Variants in COL5A2 observed in about 807,000 individuals in gnomAD.
COL5A2 encodes the protein collagen type V alpha 2 chain.
COL5A2 carries 23 observed loss-of-function variants against 208.2 expected under a neutral mutation model. The ratio of observed to expected loss-of-function variants is 0.11; its 90% CI spans 0.08 to 0.16. The LOEUF is 0.16. COL5A2 is among the 10% of genes least tolerant of loss of function. The pLI is 1.00. For missense variants in COL5A2, 1,590 were observed against 1,956.4 expected, an observed-to-expected ratio of 0.81 and a Z score of 3.53; for synonymous variants, 625 against 628.5, an observed-to-expected ratio of 0.99 and a Z score of 0.08.
the COL5A2 span, among the ~76,000 whole-genome samples, chr2:189,378,201 T>G: frequency 6.6e-6 from 1 of 152,208 alleles, no homozygotes; most frequent in Non-Finnish European, 1.5e-5. Context: ...ATCTATTATA[T>G]CTTAACTGTT....
chr2:189,252,125 A>G, the COL5A2 span, among the ~76,000 whole-genome samples: 1 of 152,192 alleles, frequency 6.6e-6, no homozygotes, highest in African/African-American at 2.4e-5. Context: ...GGTGCTGGAG[A>G]GGATGTGGAG....
At chr2:189,086,630 A>G in intron 9 of COL5A2, 96 bp downstream of exon 9, 1 of 967,494 alleles carries the variant, frequency 1.0e-6, no homozygotes, top group Non-Finnish European at 1.6e-6. Context: ...AAATTTTAAA[A>G]CCAGCCAAAA....
the COL5A2 span, among the ~76,000 whole-genome samples, chr2:189,242,610 C>A: frequency 6.6e-6 from 1 of 152,188 alleles, no homozygotes; most frequent in South Asian, 2.1e-4. Context: ...TTGCTTCCTT[C>A]CATTCAAAGA....
chr2:189,081,425 G>A (rs138314873), intron 12 of COL5A2, among the ~76,000 whole-genome samples: 1 of 152,164 alleles, frequency 6.6e-6, no homozygotes, highest in East Asian at 1.9e-4. Context: ...AAAATATTCA[G>A]GAGAGAAATT....
In COL5A2 at chr2:189,179,612, TATTAGAC is replaced by T; in HGVS notation, c.-15_-9del. On this transcript the variant is annotated 5_prime_UTR_variant, in exon 1 of 54. It removes an upstream start codon present in the reference 5' UTR. Transcript: ENST00000374866. The stretch of plus-strand genomic sequence containing the variant: ...CGCCCAGTTTGCCATCATGTCTAAA[TATTAGAC>T]ATGTGGGTTCTCCTGAGAGTGAAAA... The T allele has an allele frequency of 6.3e-7, 1 of 1,598,670 alleles. No individual in the cohort carries two copies.
Position 189,092,329 on chromosome 2 carries a change from C to G in COL5A2, c.548G>C (p.Gly183Ala), listed in dbSNP as rs1686805632. The G allele has an allele frequency of 1.9e-6, 3 of 1,608,320 alleles. No individual in the cohort carries two copies. The highest frequency in any genetic ancestry group is 2.5e-6 in the Non-Finnish European group (3 of 1,177,182). ...PGPPGHPSHP[G>A]PDGLSRPFSA... ...ACTCACCCTGCTCAAGCCATCGGGTCCTGGGTGGGACGGATGTCCAGGAGG... is the reference window on the plus strand; with the variant it reads ...ACTCACCCTGCTCAAGCCATCGGGTGCTGGGTGGGACGGATGTCCAGGAGG... The change falls in exon 7 of 54, where the codon GGA (glycine) becomes GCA (alanine). Residue 183 changes from glycine to alanine, a missense_variant. Coordinates refer to ENST00000374866, the MANE Select transcript of COL5A2 (RefSeq NM_000393.5).
chr2:189,052,870 G>A (rs1324885680), intron 39 of COL5A2, 41 bp downstream of exon 39: 1 of 1,609,958 alleles, frequency 6.2e-7, no homozygotes, highest in Non-Finnish European at 8.5e-7. Flanking sequence ...TCCAAACATG[G>A]GGCACTTGAC....
the COL5A2 span, among the ~76,000 whole-genome samples, chr2:189,246,277 A>C: frequency 6.6e-6 from 1 of 152,072 alleles, no homozygotes; most frequent in African/African-American, 2.4e-5. Context: ...GTTTCACAGA[A>C]CAATTTATTA....
intron 1 of COL5A2, among the ~76,000 whole-genome samples, chr2:189,115,463 G>A (rs771427796): frequency 2.1e-4 from 32 of 151,066 alleles, no homozygotes; most frequent in Non-Finnish European, 4.1e-4. Flanking sequence ...CTGGCCAAGA[G>A]AGACGACTGT....
chr2:189,413,591 A>G, the COL5A2 span, among the ~76,000 whole-genome samples: 1 of 152,094 alleles, frequency 6.6e-6, no homozygotes, highest in Admixed American at 6.6e-5. Context: ...CGCTCATTAG[A>G]ACCTTTCACA....
intron 16 of COL5A2, among the ~76,000 whole-genome samples, chr2:189,076,499 T>C (rs1312343894): frequency 1.3e-5 from 2 of 152,176 alleles, no homozygotes; most frequent in African/African-American, 4.8e-5. Flanking sequence ...CTGATGGAAT[T>C]GCATGGGTCT....
At chr2:189,034,275 A>T (rs1685398417) in intron 53 of COL5A2, 59 bp from the exon 54 acceptor site, 1 of 1,573,338 alleles carries the variant, frequency 6.4e-7, no homozygotes, top group African/African-American at 1.3e-5. Context: ...AGTATGTTAG[A>T]CAGCAACCTT....
At chr2:189,059,462 A>G (rs1685973197) in intron 31 of COL5A2, among the ~76,000 whole-genome samples, 1 of 151,936 alleles carries the variant, frequency 6.6e-6, no homozygotes, top group Non-Finnish European at 1.5e-5. Flanking sequence ...TCTTTGATAA[A>G]GATAACTTTA....
intron 30 of COL5A2, 124 bp from the exon 31 acceptor site, chr2:189,060,907 G>T: frequency 1.4e-6 from 1 of 699,916 alleles, no homozygotes; most frequent in Non-Finnish European, 2.5e-6. Flanking sequence ...AAAATATATT[G>T]TTCAGACATT....
chr2:189,097,183 G>A (rs1686935928), intron 6 of COL5A2, 94 bp downstream of exon 6: 2 of 1,161,490 alleles, frequency 1.7e-6, no homozygotes, highest in African/African-American at 1.5e-5. Context: ...AGGTGAAAGA[G>A]GAATAGTGCT....
At chr2:189,357,114 C>G in the COL5A2 span, among the ~76,000 whole-genome samples, 1 of 152,168 alleles carries the variant, frequency 6.6e-6, no homozygotes, top group Admixed American at 6.5e-5. Context: ...AAGCTTTGTC[C>G]CAGAGGGCCA....
chr2:189,367,171 C>T, the COL5A2 span, among the ~76,000 whole-genome samples: 1 of 152,050 alleles, frequency 6.6e-6, no homozygotes, highest in African/African-American at 2.4e-5. Context: ...ATGTTCATAA[C>T]ACTTTACACA....
the COL5A2 span, among the ~76,000 whole-genome samples, chr2:189,231,435 C>T: frequency 1.3e-5 from 2 of 151,654 alleles, no homozygotes; most frequent in African/African-American, 2.4e-5. Context: ...AAGGTGGCCT[C>T]AGGAAAATCT....
At chr2:189,129,987 T>A (rs929866817) in intron 1 of COL5A2, among the ~76,000 whole-genome samples, 1 of 152,066 alleles carries the variant, frequency 6.6e-6, no homozygotes, top group African/African-American at 2.4e-5. Context: ...ATTCTAGAAA[T>A]CTTTTTGGCC....
Sources: gnomAD v4.1 joint callset for allele counts (sites outside exome capture counted in the v4.1 genomes callset) on GRCh38, gnomAD v4.1.1 for gene constraint, MANE v1.5 for transcripts, NCBI Gene and HGNC (gene_info 2026-07-23, HGNC 2026-07-21) for gene names.